KHDC4: variants seen among roughly 807,000 people sequenced by gnomAD.
The protein encoded by KHDC4 is KH homology domain-containing protein 4.
Under a neutral mutation model 74.5 loss-of-function variants are expected in KHDC4, and 19 were observed. The observed-to-expected ratio is 0.26, with a 90% confidence interval of 0.18 to 0.37. KHDC4 has a LOEUF of 0.37. KHDC4 is among the 10% of genes least tolerant of loss of function. The probability of loss-of-function intolerance (pLI) is 1.00; values close to 1 mark genes in which losing one functional copy is unlikely to be tolerated. For missense variants in KHDC4, 632 were observed against 754.1 expected (o/e 0.84, Z 1.90); for synonymous variants, 253 against 266.1 (o/e 0.95, Z 0.48).
intron 8 of KHDC4, among the ~76,000 whole-genome samples, chr1:155,923,249 T>A (rs1216025348): frequency 2.0e-5 from 3 of 151,896 alleles, no homozygotes; most frequent in Non-Finnish European, 4.4e-5. Flanking sequence ...ATAAAAAGAA[T>A]GCATAATCAA....
At chr1:155,916,456 G>C (rs1013112685) in intron 12 of KHDC4, among the ~76,000 whole-genome samples, 169 bp downstream of exon 12, 1 of 152,104 alleles carries the variant, frequency 6.6e-6, no homozygotes, top group African/African-American at 2.4e-5. Context: ...TCTGTAAAAG[G>C]CCTATCATAT....
chr1:155,934,301 T>G (rs1414414102), intron 1 of KHDC4, 35 bp downstream of exon 1: 71 of 1,604,052 alleles, frequency 4.4e-5, no homozygotes, highest in Non-Finnish European at 5.3e-5. Flanking sequence ...TGCGCCCCAG[T>G]GCTCGCTCCG....
chr1:155,928,946 C>A, intron 4 of KHDC4, among the ~76,000 whole-genome samples: 2 of 117,550 alleles, frequency 1.7e-5, no homozygotes. Context: ...AGCAAGACTC[C>A]ATCTCAAAAA....
intron 7 of KHDC4, 67 bp downstream of exon 7, chr1:155,925,565 G>T: frequency 1.6e-6 from 2 of 1,278,544 alleles, no homozygotes; most frequent in African/African-American, 1.5e-5. Context: ...TGCTCCTTCT[G>T]AATCACTCCT....
chr1:155,920,656 T>C (rs951185400), intron 10 of KHDC4, among the ~76,000 whole-genome samples: 1 of 152,166 alleles, frequency 6.6e-6, no homozygotes, highest in Non-Finnish European at 1.5e-5. Context: ...CCCTTCCATC[T>C]CAGCCTCTTA....
chr1:155,931,336 A>T (rs553180470), intron 2 of KHDC4, among the ~76,000 whole-genome samples: 2 of 151,808 alleles, frequency 1.3e-5, no homozygotes, highest in Non-Finnish European at 2.9e-5. Flanking sequence ...AAAGAAAGAA[A>T]GAATGAACGA....
At position 155,927,586 on chromosome 1, in the gene KHDC4, C is replaced by G. The variant is rs186424910; in HGVS notation, c.465-430G>C. Among the ~76,000 whole-genome samples the G allele has an allele frequency of 4.3e-3, 656 of 152,024 alleles. 2 individuals carry two copies. The highest frequency in any genetic ancestry group is 0.01 in the Middle Eastern group (3 of 294). ...TTGGGAGGCTGAGGTGGGTGGATGA[C>G]ATGAGGCCAAGAGTTTGAGACCAGC... On this transcript the variant is annotated intron_variant, in intron 4 of 13. Transcript: ENST00000368321.
chr1:155,923,590 T>TG (rs1170164074), intron 8 of KHDC4, 37 bp downstream of exon 8: 16 of 1,500,846 alleles, frequency 1.1e-5, no homozygotes, highest in Non-Finnish European at 1.4e-5. Context: ...AAATGGCAAT[T>TG]GCTCTTCTGA....
chr1:155,932,264 A>G (rs1674156739), intron 2 of KHDC4: 1 of 152,166 alleles, frequency 6.6e-6, no homozygotes, highest in African/African-American at 2.4e-5. Flanking sequence ...AAGAAGAATT[A>G]CAGAGGAGCT....
chr1:155,921,396 C>A lies in KHDC4; in HGVS notation c.1245G>T (p.Gln415His). 1 of 1,614,074 alleles carries A rather than the reference C, an allele frequency of 6.2e-7. No homozygotes were observed. The highest frequency in any genetic ancestry group is 1.3e-5 in the African/African-American group (1 of 75,028). The change falls in exon 10 of 14, where the codon CAG (glutamine) becomes CAT (histidine). Residue 415 changes from glutamine (Q) to histidine (H), a missense_variant. By Grantham distance (24) the Gln-to-His change is conservative. Transcript: ENST00000368321. ...CTACCTGTCCAGTGCTAGCTGGAGG[C>A]TGCACTTGTGTTATCGGGTATTGTG... The part of the protein sequence containing the change: ...VPTQYPITQV[Q>H]PPASTGQSPM...
At chr1:155,933,583 A>C in intron 2 of KHDC4, 50 bp downstream of exon 2, 1 of 1,482,748 alleles carries the variant, frequency 6.7e-7, no homozygotes, top group African/African-American at 1.4e-5. Context: ...CGCGCCCGGC[A>C]AAACAACTAT....
chr1:155,922,124 C>T (rs1435689235), intron 8 of KHDC4: 17 of 350,330 alleles, frequency 4.9e-5, no homozygotes, highest in East Asian at 1.3e-4. Flanking sequence ...TGCAGTGGCG[C>T]GATCTTGTAT....
intron 7 of KHDC4, among the ~76,000 whole-genome samples, chr1:155,924,317 C>T (rs1673934814): frequency 6.6e-6 from 1 of 151,818 alleles, no homozygotes; most frequent in Non-Finnish European, 1.5e-5. Context: ...TCACGTCATT[C>T]TCCTGCCTCA....
At position 155,927,162 on chromosome 1, in the gene KHDC4, A is replaced by G; in HGVS notation, c.465-6T>C. On this transcript the variant is annotated splice_polypyrimidine_tract_variant and splice_region_variant and intron_variant, in intron 4 of 13. Coordinates refer to ENST00000368321, the MANE Select transcript of KHDC4 (RefSeq NM_014949.4). Reference sequence around the variant, plus strand: ...GAAGATATAATGGACGATCCCTATAAAGAGAAACAAAAAAGGATGATCTCA... The same window carrying G: ...GAAGATATAATGGACGATCCCTATAGAGAGAAACAAAAAAGGATGATCTCA... 6.2e-7 allele frequency: 1 copy of G among 1,612,680 alleles called. No homozygotes were observed. Among genetic ancestry groups the G allele is most frequent in the Middle Eastern group, 1.7e-4 (1 of 6,060 alleles).
Position 155,915,876 on chromosome 1 carries a change from G to A in KHDC4, c.1642C>T (p.His548Tyr). 1 of 1,585,172 alleles carries A rather than the reference G, an allele frequency of 6.3e-7. No homozygotes were observed. The highest frequency in any genetic ancestry group is 8.6e-7 in the Non-Finnish European group (1 of 1,161,814). Residue 548 changes from histidine (H) to tyrosine (Y), a missense_variant, in exon 13 of 14, where the codon CAT becomes TAT. Around this residue, in one of 4 missense-constraint regions of KHDC4, gnomAD observed 254 missense variants for 267.4 expected, o/e 0.95. Coordinates refer to ENST00000368321, the MANE Select transcript of KHDC4 (RefSeq NM_014949.4). ...RNGSGTLTGS[H>Y]DYPAKKMKTT... ...CCCCCAGCTATATCACACTCACCAT[G>A]GCTCCCTGTTAAGGTCCCAGACCCA...
chr1:155,923,001 C>T (rs1032964647), intron 8 of KHDC4, among the ~76,000 whole-genome samples: 1 of 151,966 alleles, frequency 6.6e-6, no homozygotes, highest in Non-Finnish European at 1.5e-5. Context: ...GTCAGGAGAT[C>T]GAGACCATCC....
At chr1:155,922,529 A>G (rs949988303) in intron 8 of KHDC4, among the ~76,000 whole-genome samples, 14 of 152,236 alleles carry the variant, frequency 9.2e-5, no homozygotes, top group African/African-American at 3.1e-4. Context: ...CCCCTAAACC[A>G]TACTCAATTC....
At chr1:155,919,390 G>C (rs1353133595) in intron 10 of KHDC4, among the ~76,000 whole-genome samples, 1 of 152,130 alleles carries the variant, frequency 6.6e-6, no homozygotes, top group Non-Finnish European at 1.5e-5. Flanking sequence ...GGCTGGGCAC[G>C]GTGGCTTATG....
At chr1:155,914,341 C>T in intron 13 of KHDC4, 21 bp from the exon 14 acceptor site, 1 of 1,560,160 alleles carries the variant, frequency 6.4e-7, no homozygotes, top group South Asian at 1.1e-5. Flanking sequence ...GAAAAAACAA[C>T]CCCAACCCCA....
Sources: gnomAD v4.1 joint callset for allele counts (sites outside exome capture counted in the v4.1 genomes callset) on GRCh38, gnomAD v4.1.1 for gene constraint, gnomAD v4.1.1 regional missense constraint, MANE v1.5 for transcripts, NCBI Gene and HGNC (gene_info 2026-07-23, HGNC 2026-07-21) for gene names.